The following PATJ variants were observed in gnomAD, a reference collection of about 807,000 sequenced individuals.
The protein encoded by PATJ is inaD-like protein.
A neutral mutation model predicts 224.9 loss-of-function variants in PATJ; 190 were observed. The observed-to-expected ratio is 0.84, with a 90% CI of 0.75 to 0.95. The LOEUF (loss-of-function observed/expected upper bound fraction) is 0.95, where lower values mean the gene tolerates loss of function less well. Ranked by LOEUF, PATJ falls within the 40% of genes least tolerant of loss-of-function variation. PATJ has a pLI of 0.00. For missense variants in PATJ, 2,121 were observed against 2,270.3 expected (o/e 0.93, Z 1.34); for synonymous variants, 769 against 820.3 (o/e 0.94, Z 1.07).
chr1:62,026,269 T>G (rs902571391), intron 29 of PATJ, among the ~76,000 whole-genome samples: 3 of 152,250 alleles, frequency 2.0e-5, no homozygotes, highest in Admixed American at 6.5e-5. Context: ...CTTTGTTTTG[T>G]ACATTACTTC....
chr1:61,771,361 T>A, intron 5 of PATJ, 70 bp from the exon 6 acceptor site: 1 of 961,794 alleles, frequency 1.0e-6, no homozygotes, highest in Non-Finnish European at 1.5e-6. Context: ...ACAAACTGCT[T>A]AACTTTAATA....
chr1:61,860,833 T>TA lies in PATJ; in HGVS notation c.2323-702dup, dbSNP rs760245834. Among the ~76,000 whole-genome samples the TA allele has an allele frequency of 5.7e-3, 762 of 133,488 alleles. 7 individuals are homozygous for TA. Among genetic ancestry groups the TA allele is most frequent in the South Asian group, 0.014 (59 of 4,136 alleles). 87.6% of individuals were successfully genotyped at this position (133,488 alleles called of 152,430 possible). ...CACAGCGAGACTCTCTGTCTCAATT[T>TA]AAAAAAAAAAAAAAAAGATGAGGAT... On this transcript the variant is annotated intron_variant, in intron 18 of 43. Coordinates refer to ENST00000642238, the MANE Select transcript of PATJ (RefSeq NM_001350145.3).
chr1:61,921,106 GGTTT>G (rs774595330), intron 26 of PATJ, among the ~76,000 whole-genome samples: 15 of 151,950 alleles, frequency 9.9e-5, no homozygotes, highest in African/African-American at 1.9e-4. Flanking sequence ...TCAATATTTT[GGTTT>G]GTTTATTTTT....
intron 20 of PATJ, among the ~76,000 whole-genome samples, chr1:61,868,952 AAGC>A (rs1398020064): frequency 6.6e-6 from 1 of 152,206 alleles, no homozygotes; most frequent in African/African-American, 2.4e-5. Context: ...GCAACAAAAG[AAGC>A]AGCAAGCTCA....
intron 21 of PATJ, among the ~76,000 whole-genome samples, chr1:61,882,188 A>G (rs1393629525): frequency 6.6e-6 from 1 of 152,182 alleles, no homozygotes; most frequent in African/African-American, 2.4e-5. Flanking sequence ...GGGAAAATAA[A>G]GCAGTAAAAA....
At chr1:62,138,313 T>G (rs985682672) in intron 41 of PATJ, among the ~76,000 whole-genome samples, 38 of 152,044 alleles carry the variant, frequency 2.5e-4, no homozygotes, top group African/African-American at 8.7e-4. Context: ...CTAAGTTTTC[T>G]GTTTGTTTGT....
At chr1:61,993,573 AAG>A (rs2149563613) in intron 28 of PATJ, among the ~76,000 whole-genome samples, 1 of 152,220 alleles carries the variant, frequency 6.6e-6, no homozygotes, top group African/African-American at 2.4e-5. Context: ...ATTAGAACAA[AAG>A]ACACTCTTGT....
At position 61,796,698 on chromosome 1, in the gene PATJ, CTTTCTTTCTTTCTTTCTTTCTTTCTT is replaced by C. The variant is rs1557660914; in HGVS notation, c.1261-569_1261-544del. On this transcript the variant is annotated intron_variant, in intron 10 of 43. Coordinates refer to ENST00000642238, the MANE Select transcript of PATJ (RefSeq NM_001350145.3). Reference sequence around the variant, plus strand: ...TCTTTCTTTCTTTCTTTCTTTCTTTCTTTCTTTCTTTCTTTCTTTCTTTCTTTTTCTTTCTTTCTTTCTTTTTTTTC... The same window carrying C: ...TCTTTCTTTCTTTCTTTCTTTCTTTCTTTCTTTCTTTCTTTCTTTTTTTTC... 3.5e-3 allele frequency among the ~76,000 whole-genome samples: 197 copies of C among 56,144 alleles called. 4 individuals are homozygous for C. Among genetic ancestry groups the C allele is most frequent in the East Asian group, 0.024 (54 of 2,244 alleles). 36.8% of individuals were successfully genotyped at this position (56,144 alleles called of 152,430 possible).
At position 61,986,983 on chromosome 1, in the gene PATJ, T is replaced by C. The variant is rs567221547; in HGVS notation, c.3671-3185T>C. Among the ~76,000 whole-genome samples, 5 of 152,154 alleles carry C rather than the reference T, an allele frequency of 3.3e-5. No individual in the cohort carries two copies. In the South Asian group the frequency reaches 1.0e-3, roughly 32 times the overall value. On this transcript the variant is annotated intron_variant, in intron 27 of 43. Coordinates refer to ENST00000642238, the MANE Select transcript of PATJ (RefSeq NM_001350145.3). Reference sequence around the variant, plus strand: ...ACTTTTCTTGTTCTCTGGTAAATTCTTCAAAATTATAAAATTGCCTTCTAA... The same window carrying C: ...ACTTTTCTTGTTCTCTGGTAAATTCCTCAAAATTATAAAATTGCCTTCTAA...
intron 5 of PATJ, among the ~76,000 whole-genome samples, chr1:61,769,865 C>G (rs926358701): frequency 6.6e-6 from 1 of 152,126 alleles, no homozygotes; most frequent in East Asian, 1.9e-4. Flanking sequence ...ATTATAACAA[C>G]ATTTTGGTGG....
chr1:61,839,987 C>T (rs932879214), intron 17 of PATJ, among the ~76,000 whole-genome samples: 3 of 151,684 alleles, frequency 2.0e-5, no homozygotes, highest in African/African-American at 4.8e-5. Context: ...AGTCAAATGG[C>T]GACTCATTAA....
chr1:61,752,220 G>A (rs954980238), intron 1 of PATJ, among the ~76,000 whole-genome samples: 3 of 150,920 alleles, frequency 2.0e-5, no homozygotes, highest in African/African-American at 7.3e-5. Flanking sequence ...GAAGAGTATT[G>A]ATATGCATTG....
intron 27 of PATJ, among the ~76,000 whole-genome samples, chr1:61,971,490 T>C (rs1419509172): frequency 6.6e-6 from 1 of 151,668 alleles, no homozygotes; most frequent in Non-Finnish European, 1.5e-5. Context: ...GGTGCATGCC[T>C]GTAGTCCCAG....
intron 41 of PATJ, among the ~76,000 whole-genome samples, chr1:62,146,478 A>G (rs1341905321): frequency 6.6e-6 from 1 of 152,148 alleles, no homozygotes; most frequent in Non-Finnish European, 1.5e-5. Context: ...ATTTCATAGA[A>G]AAACGAATAG....
intron 27 of PATJ, among the ~76,000 whole-genome samples, chr1:61,951,079 G>A (rs995790991): frequency 6.6e-6 from 1 of 152,016 alleles, no homozygotes; most frequent in African/African-American, 2.4e-5. Flanking sequence ...CGGGGAGGTG[G>A]AGTTGCAGTA....
At chr1:61,960,875 T>C (rs1271403149) in intron 27 of PATJ, among the ~76,000 whole-genome samples, 2 of 152,184 alleles carry the variant, frequency 1.3e-5, no homozygotes, top group Admixed American at 6.5e-5. Flanking sequence ...TCTTGAGTTC[T>C]AGACAGTTAT....
intron 17 of PATJ, among the ~76,000 whole-genome samples, chr1:61,841,595 C>G (rs1256752242): frequency 1.1e-5 from 1 of 90,040 alleles, no homozygotes; most frequent in Non-Finnish European, 2.1e-5. Flanking sequence ...TTTTTTTTCT[C>G]TTGCCTTTTT....
At chr1:61,885,362 G>A (rs1305189528) in intron 22 of PATJ, among the ~76,000 whole-genome samples, 2 of 152,086 alleles carry the variant, frequency 1.3e-5, no homozygotes, top group Non-Finnish European at 2.9e-5. Flanking sequence ...TCAAAAAGTG[G>A]GCAAAGGATA....
At chr1:62,097,276 G>A (rs1200232913) in intron 33 of PATJ, among the ~76,000 whole-genome samples, 1 of 151,652 alleles carries the variant, frequency 6.6e-6, no homozygotes, top group African/African-American at 2.4e-5. Flanking sequence ...AGAATCTGTG[G>A]TACATTGAAA....
Sources: gnomAD v4.1 joint callset for allele counts (sites outside exome capture counted in the v4.1 genomes callset) on GRCh38, gnomAD v4.1.1 for gene constraint, MANE v1.5 for transcripts, NCBI Gene and HGNC (gene_info 2026-07-23, HGNC 2026-07-21) for gene names.